QKI: variants seen among roughly 807,000 people sequenced by gnomAD.
The protein encoded by QKI is QKI, KH domain containing RNA binding, also known as KH domain-containing RNA-binding protein QKI.
A neutral mutation model predicts 39.0 loss-of-function variants in QKI; 10 were observed. That is an observed-to-expected ratio of 0.26 (90% CI 0.16 to 0.43). The LOEUF (loss-of-function observed/expected upper bound fraction) is 0.43, where lower values mean the gene tolerates loss of function less well. Among genes scored for constraint, QKI ranks in the 20% least tolerant of loss-of-function variants. QKI has a pLI of 1.00. For synonymous variants in QKI, 204 were observed against 155.4 expected (o/e 1.31, Z -2.33); for missense variants, 218 against 428.0 (o/e 0.51, Z 4.33).
chr6:163,509,499 T>G (rs1212023978), intron 3 of QKI, among the ~76,000 whole-genome samples: 2 of 151,908 alleles, frequency 1.3e-5, no homozygotes, highest in Non-Finnish European at 2.9e-5. Context: ...AATAGTATTG[T>G]CCTGTGGAGT....
chr6:163,437,431 T>G (rs1400484167), intron 1 of QKI, among the ~76,000 whole-genome samples: 1 of 152,202 alleles, frequency 6.6e-6, no homozygotes, highest in East Asian at 1.9e-4. Flanking sequence ...TAAATTCAGT[T>G]CCCATAGATA....
intron 1 of QKI, among the ~76,000 whole-genome samples, chr6:163,445,760 G>T (rs1247928688): frequency 6.6e-6 from 1 of 151,886 alleles, no homozygotes; most frequent in Admixed American, 6.6e-5. Context: ...GACTACAGGC[G>T]CCCGCCACCA....
intron 1 of QKI, among the ~76,000 whole-genome samples, chr6:163,434,670 G>A (rs911216362): frequency 1.4e-4 from 21 of 151,580 alleles, no homozygotes; most frequent in African/African-American, 4.1e-4. Flanking sequence ...AGCCAGGATC[G>A]TGCCACTGCA....
intron 4 of QKI, among the ~76,000 whole-genome samples, chr6:163,559,680 CAT>C (rs1782876576): frequency 1.3e-5 from 2 of 152,136 alleles, no homozygotes; most frequent in South Asian, 4.1e-4. Flanking sequence ...ATGTTTCACT[CAT>C]ATTTTTCTTT....
intron 3 of QKI, among the ~76,000 whole-genome samples, chr6:163,498,589 T>C (rs180824055): frequency 1.3e-5 from 2 of 152,028 alleles, no homozygotes; most frequent in African/African-American, 4.8e-5. Context: ...TTTGTTCTTA[T>C]GTCTGTCTCC....
chr6:163,437,709 AT>A (rs910081335), intron 1 of QKI, among the ~76,000 whole-genome samples: 10 of 152,168 alleles, frequency 6.6e-5, no homozygotes, highest in Non-Finnish European at 1.2e-4. Context: ...TTAGATAACT[AT>A]TTTAGGGTTT....
chr6:163,570,654 CTTTTTTTTGTTTTG>C (rs1318845993), intron 7 of QKI, 26 bp from the exon 8 acceptor site: 1 of 1,601,278 alleles, frequency 6.2e-7, no homozygotes, highest in African/African-American at 1.4e-5. Flanking sequence ...CTTTTCTTTT[CTTTTTTTTGTTTTG>C]TTTTTTTTTG....
intron 1 of QKI, among the ~76,000 whole-genome samples, chr6:163,450,937 A>G (rs1407816621): frequency 1.3e-5 from 2 of 152,194 alleles, no homozygotes; most frequent in African/African-American, 4.8e-5. Flanking sequence ...GGATTTCATC[A>G]AGTAGTAGAT....
rs1159788512 is a variant in QKI, at chr6:163,575,306, C to G, written c.*4596C>G. ...CTCATCTCATTTTCAGTTAAGGGTA[C>G]TTTATGTATAATTATGTCATTGCTG... On this transcript the variant is annotated 3_prime_UTR_variant, in exon 8 of 8. Transcript: ENST00000361752. The G allele has an allele frequency of 6.6e-6, 1 of 152,086 alleles. No individual in the cohort carries two copies. The highest frequency in any genetic ancestry group is 2.4e-5 in the African/African-American group (1 of 41,402). 9.4% of individuals were successfully genotyped at this position (152,086 alleles called of 1,614,324 possible). A position where few individuals can be genotyped will look rare whatever the true frequency, so the allele number is the denominator to read the frequency against.
chr6:163,478,985 C>T, intron 3 of QKI, 89 bp downstream of exon 3: 2 of 1,145,606 alleles, frequency 1.7e-6, no homozygotes, highest in South Asian at 2.9e-5. Flanking sequence ...TTTTTTTGTG[C>T]TTAAAACACT....
chr6:163,468,321 A>G (rs1478386852), intron 2 of QKI, among the ~76,000 whole-genome samples: 1 of 152,208 alleles, frequency 6.6e-6, no homozygotes, highest in Admixed American at 6.5e-5. Context: ...TTTTAAATGA[A>G]AACTTGGTCT....
intron 3 of QKI, among the ~76,000 whole-genome samples, chr6:163,532,866 C>T (rs532157040): frequency 1.3e-5 from 2 of 152,332 alleles, no homozygotes; most frequent in Admixed American, 6.5e-5. Flanking sequence ...TCTGGAGACT[C>T]TCAAGCCAGT....
intron 3 of QKI, among the ~76,000 whole-genome samples, chr6:163,521,525 T>C: frequency 6.6e-6 from 1 of 152,104 alleles, no homozygotes; most frequent in Non-Finnish European, 1.5e-5. Flanking sequence ...GGCAGGCAGT[T>C]AGATATATAT....
intron 3 of QKI, among the ~76,000 whole-genome samples, chr6:163,520,696 T>TA (rs1294958105): frequency 2.0e-5 from 3 of 152,188 alleles, no homozygotes; most frequent in African/African-American, 7.2e-5. Flanking sequence ...GCTTTCAAGT[T>TA]ATTAACATAT....
intron 4 of QKI, among the ~76,000 whole-genome samples, chr6:163,545,224 G>A (rs1162309146): frequency 1.3e-5 from 2 of 152,078 alleles, no homozygotes; most frequent in African/African-American, 4.8e-5. Context: ...CCTGTGAAGA[G>A]GGACAATTCT....
chr6:163,506,067 G>T (rs1414798857), intron 3 of QKI, among the ~76,000 whole-genome samples: 1 of 129,030 alleles, frequency 7.8e-6, no homozygotes, highest in African/African-American at 2.9e-5. Flanking sequence ...TTCCCACCCC[G>T]CCCGCCTCCA....
chr6:163,421,476 G>A (rs1341705079), intron 1 of QKI, among the ~76,000 whole-genome samples: 1 of 152,130 alleles, frequency 6.6e-6, no homozygotes, highest in African/African-American at 2.4e-5. Context: ...CACATATATA[G>A]TTCTTGTACT....
chr6:163,482,130 C>T (rs1422434197), intron 3 of QKI, among the ~76,000 whole-genome samples: 1 of 151,870 alleles, frequency 6.6e-6, no homozygotes, highest in African/African-American at 2.4e-5. Context: ...CAACAGTGAG[C>T]TATGATTGTG....
intron 2 of QKI, among the ~76,000 whole-genome samples, chr6:163,466,333 C>G (rs1367238240): frequency 6.6e-6 from 1 of 152,112 alleles, no homozygotes; most frequent in South Asian, 2.1e-4. Context: ...CCAAAGCAAT[C>G]TATAGATCCA....
Sources: allele counts gnomAD v4.1 joint callset (sites outside exome capture counted in the v4.1 genomes callset), GRCh38; gene constraint gnomAD v4.1.1; transcripts MANE v1.5; gene names NCBI Gene and HGNC (gene_info 2026-07-23, HGNC 2026-07-21).